DCC: variants seen among roughly 807,000 people sequenced by gnomAD.
The protein encoded by DCC is DCC netrin 1 receptor, also known as netrin receptor DCC.
DCC carries 58 observed loss-of-function variants against 172.5 expected under a neutral mutation model. The observed-to-expected ratio is 0.34, with a 90% CI of 0.27 to 0.42. DCC has a LOEUF of 0.42. DCC is among the 10% of genes least tolerant of loss of function. The probability of loss-of-function intolerance (pLI) is 1.00; values close to 1 mark genes in which losing one functional copy is unlikely to be tolerated. For missense variants in DCC, 1,740 were observed against 1,791.0 expected, an observed-to-expected ratio of 0.97 and a Z score of 0.51; for synonymous variants, 709 against 644.5, an observed-to-expected ratio of 1.10 and a Z score of -1.52.
At chr18:52,903,473 C>A (rs2039838396) in intron 2 of DCC, among the ~76,000 whole-genome samples, 1 of 152,158 alleles carries the variant, frequency 6.6e-6, no homozygotes, top group South Asian at 2.1e-4. Context: ...TCCTAAAATG[C>A]TGGGATTACA....
intron 2 of DCC, among the ~76,000 whole-genome samples, chr18:52,831,382 T>C (rs768813540): frequency 1.3e-5 from 2 of 152,130 alleles, no homozygotes; most frequent in Admixed American, 6.6e-5. Flanking sequence ...ATCAAGCACA[T>C]CGTTCTGGCT....
intron 12 of DCC, among the ~76,000 whole-genome samples, chr18:53,229,210 A>G (rs577397882): frequency 8.5e-5 from 13 of 152,290 alleles, no homozygotes; most frequent in African/African-American, 3.1e-4. Flanking sequence ...ACAAAGATTT[A>G]TGTGACATCC....
At position 52,906,335 on chromosome 18, in the gene DCC, C is replaced by T. The variant is rs2039881520; in HGVS notation, c.697+7C>T. On this transcript the variant is annotated splice_region_variant and intron_variant, in intron 3 of 28. Transcript: ENST00000442544. ...GAAGTCAGAATTTTATCAGGTATTG[C>T]AATGCTCTTTGTTGCCTTCAGAATG... is the stretch of plus-strand genomic sequence containing the variant. The T allele has an allele frequency of 6.2e-7, 1 of 1,613,578 alleles. No homozygotes were observed. Among genetic ancestry groups the T allele is most frequent in the African/African-American group, 1.3e-5 (1 of 75,026 alleles).
At chr18:52,883,426 A>G (rs1232619345) in intron 2 of DCC, among the ~76,000 whole-genome samples, 2 of 117,370 alleles carry the variant, frequency 1.7e-5, no homozygotes, top group Non-Finnish European at 3.5e-5. Context: ...AGTGAAGGTG[A>G]TTTTCTCTAG....
intron 2 of DCC, among the ~76,000 whole-genome samples, chr18:52,802,581 T>C (rs574409928): frequency 1.8e-4 from 25 of 142,338 alleles, no homozygotes; most frequent in Admixed American, 5.9e-4. Flanking sequence ...TGAGCTCAAG[T>C]GGTCCTCCTG....
intron 12 of DCC, among the ~76,000 whole-genome samples, chr18:53,304,381 C>A (rs2057175599): frequency 6.6e-6 from 1 of 151,696 alleles, no homozygotes; most frequent in Non-Finnish European, 1.5e-5. Context: ...TTCTCTAGGG[C>A]AAAGATAATA....
intron 1 of DCC, among the ~76,000 whole-genome samples, chr18:52,372,334 C>G (rs1985156498): frequency 6.6e-6 from 1 of 152,120 alleles, no homozygotes; most frequent in African/African-American, 2.4e-5. Context: ...AGTTTATTCT[C>G]TCTTGCAAAA....
At chr18:52,706,822 T>C (rs2036219559) in intron 1 of DCC, among the ~76,000 whole-genome samples, 1 of 152,100 alleles carries the variant, frequency 6.6e-6, no homozygotes, top group East Asian at 1.9e-4. Context: ...CTCTAAAACA[T>C]GGTGAGAGTT....
At chr18:52,347,870 A>C (rs1983947377) in intron 1 of DCC, among the ~76,000 whole-genome samples, 1 of 152,164 alleles carries the variant, frequency 6.6e-6, no homozygotes, top group South Asian at 2.1e-4. Flanking sequence ...TATGAACTGT[A>C]CTATACATAT....
chr18:52,714,959 A>G (rs1364946585), intron 1 of DCC, among the ~76,000 whole-genome samples: 3 of 152,166 alleles, frequency 2.0e-5, no homozygotes, highest in Non-Finnish European at 2.9e-5. Context: ...TCTTATCCAC[A>G]TTGAATTCCT....
intron 21 of DCC, among the ~76,000 whole-genome samples, chr18:53,430,259 C>T (rs1312403873): frequency 6.6e-6 from 1 of 152,098 alleles, no homozygotes; most frequent in Admixed American, 6.6e-5. Context: ...GTTAGATGGC[C>T]AGTCTGTCCA....
chr18:53,499,270 T>A (rs1484052935), intron 26 of DCC, 28 bp from the exon 27 acceptor site: 1 of 1,611,594 alleles, frequency 6.2e-7, no homozygotes, highest in Admixed American at 1.7e-5. Context: ...CCAGGAATAA[T>A]GAATGACTTT....
At chr18:53,011,808 G>A (rs2041734926) in intron 5 of DCC, among the ~76,000 whole-genome samples, 1 of 151,088 alleles carries the variant, frequency 6.6e-6, no homozygotes, top group South Asian at 2.1e-4. Context: ...TAACCTATAT[G>A]GCACAGGTTT....
chr18:52,356,555 T>G (rs1364621245), intron 1 of DCC, among the ~76,000 whole-genome samples: 1 of 152,178 alleles, frequency 6.6e-6, no homozygotes, highest in Non-Finnish European at 1.5e-5. Context: ...GTTATGATAA[T>G]TAATAATTGA....
At chr18:52,754,730 G>C (rs1215823396) in intron 2 of DCC, among the ~76,000 whole-genome samples, 1 of 152,204 alleles carries the variant, frequency 6.6e-6, no homozygotes, top group Non-Finnish European at 1.5e-5. Context: ...AGGTAGACTG[G>C]CTAGCCATTC....
At chr18:52,654,498 A>G (rs914678847) in intron 1 of DCC, among the ~76,000 whole-genome samples, 5 of 152,124 alleles carry the variant, frequency 3.3e-5, no homozygotes, top group African/African-American at 1.2e-4. Context: ...AGGTATCAGC[A>G]GGTTTAGTTT....
chr18:52,769,876 A>T (rs766289341), intron 2 of DCC, among the ~76,000 whole-genome samples: 7 of 152,152 alleles, frequency 4.6e-5, no homozygotes, highest in Non-Finnish European at 1.0e-4. Flanking sequence ...TTGTTCCTTT[A>T]TCAAAAACCA....
intron 2 of DCC, among the ~76,000 whole-genome samples, chr18:52,844,029 C>G (rs2038847106): frequency 6.6e-6 from 1 of 152,068 alleles, no homozygotes; most frequent in Non-Finnish European, 1.5e-5. Context: ...CTACTATCTA[C>G]CAATTTTATG....
chr18:53,040,904 C>A (rs1319798595), intron 5 of DCC, among the ~76,000 whole-genome samples: 10 of 151,756 alleles, frequency 6.6e-5, no homozygotes, highest in Admixed American at 6.6e-4. Flanking sequence ...TTGAAGGGTG[C>A]AGGCAGTAAG....
Sources: allele counts gnomAD v4.1 joint callset (sites outside exome capture counted in the v4.1 genomes callset), GRCh38; gene constraint gnomAD v4.1.1; transcripts MANE v1.5; gene names NCBI Gene and HGNC (gene_info 2026-07-23, HGNC 2026-07-21).